The following GOT1 variants were observed in gnomAD, a reference collection of about 807,000 sequenced individuals.
GOT1 encodes aspartate aminotransferase, cytoplasmic.
A neutral mutation model predicts 48.2 loss-of-function variants in GOT1; 25 were observed. That is an observed-to-expected ratio of 0.52 (90% CI 0.38 to 0.72). GOT1 has a LOEUF of 0.72. Among genes scored for constraint, GOT1 ranks in the 30% least tolerant of loss-of-function variants. The probability of loss-of-function intolerance (pLI) is 0.00; values close to 1 mark genes in which losing one functional copy is unlikely to be tolerated. For synonymous variants in GOT1, 188 were observed against 193.8 expected (o/e 0.97, Z 0.25); for missense variants, 380 against 520.1 (o/e 0.73, Z 2.62).
intron 1 of GOT1, among the ~76,000 whole-genome samples, chr10:99,425,873 T>G (rs544934262): frequency 2.0e-5 from 3 of 152,160 alleles, no homozygotes; most frequent in Admixed American, 1.3e-4. Flanking sequence ...GTCTGGGGCA[T>G]GGAGAAAGAC....
chr10:99,402,285 G>T (rs2032690318), intron 8 of GOT1, among the ~76,000 whole-genome samples: 1 of 152,116 alleles, frequency 6.6e-6, no homozygotes, highest in Non-Finnish European at 1.5e-5. Flanking sequence ...ATAAATTAAG[G>T]CTCCCAGCTA....
At chr10:99,423,051 G>A (rs930924864) in intron 1 of GOT1, among the ~76,000 whole-genome samples, 1 of 152,148 alleles carries the variant, frequency 6.6e-6, no homozygotes, top group Non-Finnish European at 1.5e-5. Flanking sequence ...TTGTAATTTT[G>A]ACAAATATTT....
chr10:99,412,732 C>G (rs995456824), intron 2 of GOT1, among the ~76,000 whole-genome samples: 21 of 152,242 alleles, frequency 1.4e-4, no homozygotes, highest in Middle Eastern at 6.8e-3. Context: ...TGGCCGGGTA[C>G]CCCTCTGAGA....
intron 1 of GOT1, among the ~76,000 whole-genome samples, chr10:99,425,784 G>T (rs1026625693): frequency 2.6e-5 from 4 of 152,086 alleles, no homozygotes; most frequent in African/African-American, 9.7e-5. Context: ...AGGTGGAAAT[G>T]ATGAGCTGTG....
At chr10:99,406,621 C>A in intron 3 of GOT1, 105 bp downstream of exon 3, 1 of 1,122,516 alleles carries the variant, frequency 8.9e-7, no homozygotes, top group Non-Finnish European at 1.3e-6. Context: ...TCCCAACAGT[C>A]AGTTGTTCTA....
chr10:99,413,901 G>A (rs1269262741), intron 2 of GOT1, among the ~76,000 whole-genome samples: 1 of 152,174 alleles, frequency 6.6e-6, no homozygotes, highest in African/African-American at 2.4e-5. Flanking sequence ...GAGAGATTTT[G>A]TCACCACGAG....
At chr10:99,424,320 C>T (rs1372710374) in intron 1 of GOT1, among the ~76,000 whole-genome samples, 1 of 152,114 alleles carries the variant, frequency 6.6e-6, no homozygotes, top group Admixed American at 6.5e-5. Flanking sequence ...GTAAAACTTA[C>T]GGAGAACAAT....
At position 99,403,752 on chromosome 10, in the gene GOT1, C is replaced by T. The variant is rs188222540; in HGVS notation, c.765G>A (p.Gln255=). 1 of 1,614,196 alleles carries T rather than the reference C, an allele frequency of 6.2e-7. No homozygotes were observed. Among genetic ancestry groups the T allele is most frequent in the Non-Finnish European group, 8.5e-7 (1 of 1,180,034 alleles). The stretch of plus-strand genomic sequence containing the variant: ...AGAGCCCGAAGTTCTTGGAGAAGGA[C>T]TGGGCACAGAAGAACTCGAAGCCTT... The part of the protein sequence containing the change: ...VSEGFEFFCA[Q]SFSKNFGLYN... Residue 255 remains glutamine (Q), a synonymous_variant, in exon 6 of 9, where the codon CAG becomes CAA. Coordinates refer to ENST00000370508, the MANE Select transcript of GOT1 (RefSeq NM_002079.3).
intron 7 of GOT1, 64 bp downstream of exon 7, chr10:99,403,405 G>T: frequency 1.5e-6 from 2 of 1,293,440 alleles, no homozygotes; most frequent in Non-Finnish European, 1.1e-6. Flanking sequence ...CCAGTTAAAT[G>T]TACTGGGACA....
intron 8 of GOT1, among the ~76,000 whole-genome samples, chr10:99,398,147 G>C (rs1336529501): frequency 6.6e-6 from 1 of 152,144 alleles, no homozygotes; most frequent in Non-Finnish European, 1.5e-5. Flanking sequence ...CCATGCATGA[G>C]GTACCTGATC....
intron 2 of GOT1, among the ~76,000 whole-genome samples, chr10:99,409,073 T>C (rs555084992): frequency 5.4e-4 from 82 of 152,272 alleles, no homozygotes; most frequent in African/African-American, 1.6e-3. Flanking sequence ...CTTTATACTG[T>C]TTTCTCTACT....
chr10:99,412,920 G>A (rs1423792103), intron 2 of GOT1, among the ~76,000 whole-genome samples: 1 of 152,152 alleles, frequency 6.6e-6, no homozygotes, highest in Admixed American at 6.6e-5. Context: ...AAACAGAAAG[G>A]ACATCCACAC....
intron 2 of GOT1, among the ~76,000 whole-genome samples, chr10:99,414,854 C>T (rs1468653463): frequency 7.3e-5 from 11 of 151,680 alleles, no homozygotes; most frequent in South Asian, 2.1e-4. Flanking sequence ...GGGTACATAA[C>T]GAAATGAAGG....
chr10:99,414,012 C>T (rs2032861419), intron 2 of GOT1, among the ~76,000 whole-genome samples: 1 of 152,136 alleles, frequency 6.6e-6, no homozygotes. Flanking sequence ...ACCATCGAGG[C>T]TAGGAAGAAA....
chr10:99,424,165 C>T (rs1419384940), intron 1 of GOT1, among the ~76,000 whole-genome samples: 1 of 152,178 alleles, frequency 6.6e-6, no homozygotes, highest in Non-Finnish European at 1.5e-5. Flanking sequence ...ATTCTTGAAA[C>T]TTCTTTTGGA....
Position 99,420,065 on chromosome 10 carries a change from G to A in GOT1, c.300+559C>T, listed in dbSNP as rs564630486. On this transcript the variant is annotated intron_variant, in intron 2 of 8. Transcript: ENST00000370508. Reference sequence around the variant, plus strand: ...CAGGGACTTTAGACAGCATCTACTAGTAGCTCCTGAACCCTTGAAGGGCCA... The same window carrying A: ...CAGGGACTTTAGACAGCATCTACTAATAGCTCCTGAACCCTTGAAGGGCCA... Among the ~76,000 whole-genome samples the A allele has an allele frequency of 1.8e-4, 28 of 152,320 alleles. No homozygotes were observed. In the South Asian group the frequency reaches 5.6e-3, roughly 30 times the overall value.
intron 1 of GOT1, among the ~76,000 whole-genome samples, chr10:99,421,987 T>C (rs2032975189): frequency 6.6e-6 from 1 of 152,116 alleles, no homozygotes; most frequent in African/African-American, 2.4e-5. Context: ...TAACATGTGA[T>C]TGTGTTTTGA....
At chr10:99,428,299 T>G (rs2033066522) in intron 1 of GOT1, among the ~76,000 whole-genome samples, 1 of 152,166 alleles carries the variant, frequency 6.6e-6, no homozygotes, top group Admixed American at 6.5e-5. Context: ...AGAAACCCTG[T>G]AAGATAGTTC....
At chr10:99,415,472 T>G (rs2032883265) in intron 2 of GOT1, among the ~76,000 whole-genome samples, 1 of 152,030 alleles carries the variant, frequency 6.6e-6, no homozygotes, top group Middle Eastern at 3.2e-3. Context: ...CCAAAAAAAG[T>G]CCAGGACCAG....
Sources: gnomAD v4.1 joint callset for allele counts (sites outside exome capture counted in the v4.1 genomes callset) on GRCh38, gnomAD v4.1.1 for gene constraint, MANE v1.5 for transcripts, NCBI Gene and HGNC (gene_info 2026-07-23, HGNC 2026-07-21) for gene names.